The following STK17A variants were observed in gnomAD, a reference collection of about 807,000 sequenced individuals.
The protein encoded by STK17A is serine/threonine kinase 17a, also known as serine/threonine-protein kinase 17A.
A neutral mutation model predicts 43.7 loss-of-function variants in STK17A; 26 were observed. The ratio of observed to expected loss-of-function variants is 0.60; its 90% CI spans 0.44 to 0.83. The LOEUF is 0.83. STK17A is among the 40% of genes least tolerant of loss of function. STK17A has a pLI of 0.00. For synonymous variants in STK17A, 191 were observed against 182.5 expected (o/e 1.05, Z -0.38); for missense variants, 476 against 511.6 (o/e 0.93, Z 0.67).
At chr7:43,623,390 A>G in intron 4 of STK17A, 182 bp from the exon 5 acceptor site, 1 of 576,702 alleles carries the variant, frequency 1.7e-6, no homozygotes, top group South Asian at 2.2e-5. Flanking sequence ...AAAGTAAACA[A>G]GTTAATTACA....
chr7:43,613,439 T>G (rs2083060277), intron 3 of STK17A, among the ~76,000 whole-genome samples: 1 of 152,196 alleles, frequency 6.6e-6, no homozygotes, highest in South Asian at 2.1e-4. Flanking sequence ...GCATCACAGA[T>G]TTTGGTATCT....
At chr7:43,619,802 A>G (rs2083690689) in intron 4 of STK17A, 79 bp downstream of exon 4, 1 of 1,507,714 alleles carries the variant, frequency 6.6e-7, no homozygotes, top group Admixed American at 2.0e-5. Context: ...GGCATGACTC[A>G]TAGTGGAGCC....
Position 43,619,723 on chromosome 7 carries a change from G to A in STK17A, c.691G>A (p.Ala231Thr). Residue 231 changes from alanine to threonine, a missense_variant and splice_region_variant, in exon 4 of 7, where the codon GCT (alanine) becomes ACT (threonine). Coordinates refer to ENST00000319357, the MANE Select transcript of STK17A (RefSeq NM_004760.3). The stretch of plus-strand genomic sequence containing the variant: ...AATTATGGGTACCCCTGAATATGTG[G>A]GTAAGTATTCATAAAAGTAGTTTTG... The part of the protein sequence containing the change: ...REIMGTPEYV[A>T]PEILSYDPIS... The A allele has an allele frequency of 1.2e-6, 2 of 1,612,876 alleles. No homozygotes were observed. Among genetic ancestry groups the A allele is most frequent in the Non-Finnish European group, 1.7e-6 (2 of 1,179,590 alleles).
At chr7:43,616,347 A>T (rs565194066) in intron 3 of STK17A, among the ~76,000 whole-genome samples, 2 of 152,124 alleles carry the variant, frequency 1.3e-5, no homozygotes, top group African/African-American at 4.8e-5. Context: ...TTATACTACC[A>T]CTAGTCCTAA....
Position 43,619,720 on chromosome 7 carries a change from G to T in STK17A, c.688G>T (p.Val230Leu), listed in dbSNP as rs201447491. ...AGAAATTATGGGTACCCCTGAATAT[G>T]TGGGTAAGTATTCATAAAAGTAGTT... is the stretch of plus-strand genomic sequence containing the variant. Reference protein sequence around the residue: ...LREIMGTPEYVAPEILSYDPI... With the variant: ...LREIMGTPEYLAPEILSYDPI... Residue 230 changes from valine to leucine, a missense_variant, in exon 4 of 7, where the codon GTG becomes TTG. Val to Leu is a conservative substitution (Grantham distance 32). This residue lies in a region of STK17A where 320 missense variants were observed against 326.3 expected (regional missense o/e 0.98). Transcript: ENST00000319357. 3 of 1,613,586 alleles carry T rather than the reference G, an allele frequency of 1.9e-6. No individual in the cohort carries two copies. The East Asian group carries it at 6.7e-5, about 36-fold the overall frequency.
intron 1 of STK17A, among the ~76,000 whole-genome samples, chr7:43,584,679 G>A (rs1415068986): frequency 6.6e-6 from 1 of 152,042 alleles, no homozygotes; most frequent in Non-Finnish European, 1.5e-5. Context: ...TTGGGGGGTG[G>A]GGGTGTAGGG....
At chr7:43,589,861 A>G (rs2082467014) in intron 1 of STK17A, among the ~76,000 whole-genome samples, 1 of 150,970 alleles carries the variant, frequency 6.6e-6, no homozygotes, top group Admixed American at 6.6e-5. Flanking sequence ...TCCACTCTTC[A>G]CAACACTATT....
rs1199032827 is a variant in STK17A, at chr7:43,626,619, G to C, written c.*1777G>C. On this transcript the variant is annotated 3_prime_UTR_variant, in exon 7 of 7. Transcript: ENST00000319357. ...TTGGAAGAAGTTAAACACAGTATTA[G>C]GCAAATATTTATCTCTCTGAAAAAA... The C allele has an allele frequency of 6.6e-6, 1 of 152,092 alleles. No individual in the cohort carries two copies. The highest frequency in any genetic ancestry group is 1.5e-5 in the Non-Finnish European group (1 of 68,016). The allele number at this position is 152,092 out of a possible 1,614,324, so 9.4% of individuals were successfully genotyped here. A position where few individuals can be genotyped will look rare whatever the true frequency, so the allele number is the denominator to read the frequency against.
At chr7:43,590,818 G>T (rs1391169460) in intron 1 of STK17A, among the ~76,000 whole-genome samples, 2 of 151,374 alleles carry the variant, frequency 1.3e-5, no homozygotes, top group African/African-American at 4.8e-5. Context: ...AAAGTTAAAG[G>T]TTGAGGTACA....
intron 3 of STK17A, among the ~76,000 whole-genome samples, chr7:43,611,855 C>T (rs896646061): frequency 2.0e-5 from 3 of 152,118 alleles, no homozygotes; most frequent in African/African-American, 4.8e-5. Context: ...TAGCATTGCA[C>T]CTATAGGAAA....
At position 43,583,131 on chromosome 7, in the gene STK17A, A is replaced by T; in HGVS notation, c.-113A>T. On this transcript the variant is annotated 5_prime_UTR_variant, in exon 1 of 7. Coordinates refer to ENST00000319357, the MANE Select transcript of STK17A (RefSeq NM_004760.3). Reference sequence around the variant, plus strand: ...CCGCAGTCCGAGCGCCGCGCTGGGGAGAGCGGGTGTTTGAAGGCTCCGCGG... The same window carrying T: ...CCGCAGTCCGAGCGCCGCGCTGGGGTGAGCGGGTGTTTGAAGGCTCCGCGG... 8.7e-7 allele frequency: 1 copy of T among 1,147,200 alleles called. No homozygotes were observed. The highest frequency in any genetic ancestry group is 2.6e-5 in the Admixed American group (1 of 37,984). 71.1% of individuals were successfully genotyped at this position (1,147,200 alleles called of 1,614,324 possible).
rs1563144628 is a variant in STK17A at position 43,595,904 on chromosome 7, G to A, written c.210G>A (p.Gly70=). Residue 70 remains glycine (G), a synonymous_variant, in exon 2 of 7, where the codon GGG becomes GGA. Transcript: ENST00000319357. ...GAATGTTTTTGTTTAATTCTAGGGG[G>A]AAATTTGCAGTGGTGAGAAAATGTA... ...SLCPGRELGR[G]KFAVVRKCIK... is the part of the protein sequence containing the mutation. The A allele has an allele frequency of 2.5e-6, 4 of 1,612,396 alleles. No homozygotes were observed. The highest frequency in any genetic ancestry group is 2.7e-5 in the African/African-American group (2 of 74,788).
chr7:43,586,047 A>G (rs2082437004), intron 1 of STK17A, among the ~76,000 whole-genome samples: 2 of 151,552 alleles, frequency 1.3e-5, no homozygotes, highest in Non-Finnish European at 3.0e-5. Flanking sequence ...TTCATCTTTG[A>G]TAAGATAGAA....
intron 4 of STK17A, chr7:43,622,348 A>G (rs2083984818): frequency 1.3e-5 from 2 of 151,928 alleles, no homozygotes; most frequent in Admixed American, 1.3e-4. Context: ...TCTTCCTCCC[A>G]CTCATTTATT....
intron 4 of STK17A, among the ~76,000 whole-genome samples, chr7:43,621,812 T>C (rs1195476876): frequency 6.6e-6 from 1 of 152,172 alleles, no homozygotes; most frequent in African/African-American, 2.4e-5. Context: ...CTAAAAATGA[T>C]TCAAAAGTAC....
chr7:43,583,152 C>T lies in STK17A; in HGVS notation c.-92C>T, dbSNP rs964822929. The T allele has an allele frequency of 7.1e-7, 1 of 1,399,068 alleles. No individual in the cohort carries two copies. The highest frequency in any genetic ancestry group is 9.7e-7 in the Non-Finnish European group (1 of 1,035,226). The allele number at this position is 1,399,068 out of a possible 1,614,324, so 86.7% of individuals were successfully genotyped here. A position where few individuals can be genotyped will look rare whatever the true frequency, so the allele number is the denominator to read the frequency against. On this transcript the variant is annotated 5_prime_UTR_variant, in exon 1 of 7. Transcript: ENST00000319357. ...GGGGAGAGCGGGTGTTTGAAGGCTC[C>T]GCGGACCGGCACTAGGAGCCGGGGG...
intron 6 of STK17A, 30 bp downstream of exon 6, chr7:43,623,918 G>A: frequency 1.5e-6 from 2 of 1,340,632 alleles, no homozygotes; most frequent in Non-Finnish European, 1.9e-6. Flanking sequence ...GTTTAATATT[G>A]AACTAATTCA....
intron 3 of STK17A, chr7:43,609,008 T>C (rs2082657769): frequency 1.3e-5 from 2 of 152,284 alleles, no homozygotes; most frequent in African/African-American, 2.4e-5. Context: ...CAAAGGACAG[T>C]ATATCAGTTA....
chr7:43,627,150 T>C lies in STK17A; in HGVS notation c.*2308T>C, dbSNP rs1488314339. Among the ~76,000 whole-genome samples the C allele has an allele frequency of 1.3e-5, 2 of 152,252 alleles. No individual in the cohort carries two copies. The highest frequency in any genetic ancestry group is 2.9e-5 in the Non-Finnish European group (2 of 68,046). On this transcript the variant is annotated 3_prime_UTR_variant, in exon 7 of 7. Transcript: ENST00000319357. ...ACTATAATTCAACAATATTTTGGTGTGGTGAAACGTTGTTTATGAAATGTA... is the reference window on the plus strand; with the variant it reads ...ACTATAATTCAACAATATTTTGGTGCGGTGAAACGTTGTTTATGAAATGTA...
Sources: allele counts gnomAD v4.1 joint callset (sites outside exome capture counted in the v4.1 genomes callset), GRCh38; gene constraint gnomAD v4.1.1; regional missense constraint gnomAD v4.1.1; transcripts MANE v1.5; gene names NCBI Gene and HGNC (gene_info 2026-07-23, HGNC 2026-07-21).